THSD4: variants seen among roughly 807,000 people sequenced by gnomAD.
The protein encoded by THSD4 is thrombospondin type 1 domain containing 4.
A neutral mutation model predicts 119.0 loss-of-function variants in THSD4; 69 were observed. That is an observed-to-expected ratio of 0.58 (90% confidence interval 0.48 to 0.71). THSD4 has a LOEUF of 0.71. THSD4 is among the 30% of genes least tolerant of loss of function. The pLI, the probability that THSD4 is intolerant of heterozygous loss-of-function variation, is 0.00. For synonymous variants in THSD4, 524 were observed against 540.4 expected (o/e 0.97, Z 0.42); for missense variants, 1,393 against 1,391.1 (o/e 1.00, Z -0.02).
chr15:71,376,807 C>T (rs544310267), intron 6 of THSD4, among the ~76,000 whole-genome samples: 5 of 152,098 alleles, frequency 3.3e-5, no homozygotes, highest in Admixed American at 1.3e-4. Flanking sequence ...GAACTCATGC[C>T]GAGACATATT....
chr15:71,679,456 T>C (rs2051726188), intron 8 of THSD4, among the ~76,000 whole-genome samples: 3 of 152,198 alleles, frequency 2.0e-5, no homozygotes, highest in Admixed American at 1.3e-4. Context: ...AAATACGATA[T>C]ACCAAAAAAG....
chr15:71,516,854 T>C (rs754575478), intron 7 of THSD4, among the ~76,000 whole-genome samples: 1 of 152,242 alleles, frequency 6.6e-6, no homozygotes, highest in Non-Finnish European at 1.5e-5. Context: ...CCCTTTGATA[T>C]ACACACTATA....
At chr15:71,762,339 A>G (rs1274521516) in intron 15 of THSD4, among the ~76,000 whole-genome samples, 2 of 152,190 alleles carry the variant, frequency 1.3e-5, no homozygotes, top group African/African-American at 2.4e-5. Context: ...GAAGATAACT[A>G]CAAGTTTTGA....
chr15:71,433,239 A>G (rs1212862614), intron 7 of THSD4, among the ~76,000 whole-genome samples: 1 of 150,972 alleles, frequency 6.6e-6, no homozygotes, highest in Non-Finnish European at 1.5e-5. Context: ...TAGTATTTTA[A>G]TTTATTTAGA....
At chr15:71,524,587 C>CTTT (rs71438517) in intron 7 of THSD4, among the ~76,000 whole-genome samples, 602 of 59,518 alleles carry the variant, frequency 0.01, 86 homozygotes, top group Middle Eastern at 0.036. Flanking sequence ...GTTTATGCCT[C>CTTT]TTTTTTTTTT....
intron 7 of THSD4, among the ~76,000 whole-genome samples, chr15:71,554,234 T>G (rs905166015): frequency 6.6e-6 from 1 of 150,630 alleles, no homozygotes; most frequent in Non-Finnish European, 1.5e-5. Flanking sequence ...GGACTACAGG[T>G]GCCCACCGCC....
rs1478707163 is a variant in THSD4 at position 71,420,736 on chromosome 15, A to T, written c.1152+8913A>T. Among the ~76,000 whole-genome samples, 4 of 108,400 alleles carry T rather than the reference A, an allele frequency of 3.7e-5. 2 individuals carry two copies. The highest frequency in any genetic ancestry group is 8.1e-5 in the Non-Finnish European group (4 of 49,452). 71.1% of individuals were successfully genotyped at this position (108,400 alleles called of 152,430 possible). A position where few individuals can be genotyped will look rare whatever the true frequency, so the allele number is the denominator to read the frequency against. ...ACATTTATTGCAATTAACAAACAAA[A>T]TAACAAGCAAAGAGAAACCAATAAA... On this transcript the variant is annotated intron_variant, in intron 7 of 17. Transcript: ENST00000261862.
At chr15:71,160,541 T>C (rs554179103) in intron 3 of THSD4, among the ~76,000 whole-genome samples, 53 of 152,222 alleles carry the variant, frequency 3.5e-4, no homozygotes, top group African/African-American at 1.2e-3. Flanking sequence ...TAATTTAATC[T>C]TGGTAGGTTG....
chr15:71,166,883 G>A (rs2141396639), intron 3 of THSD4: 1 of 152,288 alleles, frequency 6.6e-6, no homozygotes, highest in Middle Eastern at 3.4e-3. Flanking sequence ...CCTTGTCAAA[G>A]CATTATTAAG....
At chr15:71,332,370 A>G (rs2045432191) in intron 6 of THSD4, among the ~76,000 whole-genome samples, 1 of 152,222 alleles carries the variant, frequency 6.6e-6, no homozygotes, top group Admixed American at 6.5e-5. Flanking sequence ...AGATGAATGT[A>G]TGGTAAGTCT....
intron 6 of THSD4, among the ~76,000 whole-genome samples, chr15:71,309,381 G>A (rs1365123863): frequency 3.3e-5 from 5 of 152,122 alleles, no homozygotes; most frequent in East Asian, 3.8e-4. Context: ...AAGTGTAAGC[G>A]TTCTTTATAT....
chr15:71,544,207 T>C (rs552862946), intron 7 of THSD4, among the ~76,000 whole-genome samples: 2 of 152,232 alleles, frequency 1.3e-5, no homozygotes, highest in African/African-American at 4.8e-5. Context: ...GTGCTGTCAT[T>C]AAGAGTCAGG....
chr15:71,703,406 G>A (rs1486728952), intron 8 of THSD4, among the ~76,000 whole-genome samples: 2 of 152,194 alleles, frequency 1.3e-5, no homozygotes, highest in African/African-American at 2.4e-5. Flanking sequence ...TAGATTACAA[G>A]GGAGATTTAA....
intron 6 of THSD4, among the ~76,000 whole-genome samples, chr15:71,285,853 C>CAAAAA (rs11421766): frequency 6.1e-4 from 41 of 67,392 alleles, no homozygotes; most frequent in South Asian, 4.9e-3. Context: ...GACTCCGTCT[C>CAAAAA]AAAAAAAAAA....
At chr15:71,772,616 G>A (rs2140248333) in intron 17 of THSD4, among the ~76,000 whole-genome samples, 1 of 152,260 alleles carries the variant, frequency 6.6e-6, no homozygotes, top group South Asian at 2.1e-4. Context: ...AAACTATTAG[G>A]TTGGTGCAAA....
Position 71,731,162 on chromosome 15 carries a change from C to T in THSD4, c.1575C>T (p.Tyr525=), listed in dbSNP as rs757426255. The T allele has an allele frequency of 3.6e-5, 58 of 1,614,172 alleles. No homozygotes were observed. Among genetic ancestry groups the T allele is most frequent in the African/African-American group, 9.3e-5 (7 of 75,054 alleles). ...QQPNPGVHYE[Y]VIMGTNAISP... ...CAAACCCAGGCGTGCACTACGAGTA[C>T]GTGATCATGGGGACCAACGCCATCA... Residue 525 remains tyrosine (Y), a synonymous_variant, in exon 10 of 18, where the codon TAC becomes TAT. Coordinates refer to ENST00000261862, the MANE Select transcript of THSD4 (RefSeq NM_024817.3).
At chr15:71,681,865 G>A (rs1461394296) in intron 8 of THSD4, among the ~76,000 whole-genome samples, 1 of 152,024 alleles carries the variant, frequency 6.6e-6, no homozygotes, top group East Asian at 1.9e-4. Context: ...TTCAGACCTA[G>A]GCAAGTATGA....
At chr15:71,486,353 C>G (rs111388057) in intron 7 of THSD4, among the ~76,000 whole-genome samples, 1 of 152,098 alleles carries the variant, frequency 6.6e-6, no homozygotes, top group Non-Finnish European at 1.5e-5. Flanking sequence ...TGAAATTTTC[C>G]GAGGCCCAGC....
At chr15:71,319,136 C>T (rs1254718124) in intron 6 of THSD4, among the ~76,000 whole-genome samples, 1 of 152,112 alleles carries the variant, frequency 6.6e-6, no homozygotes, top group Non-Finnish European at 1.5e-5. Flanking sequence ...TTGTTTCAGG[C>T]CTGTTTCAAG....
Sources: gnomAD v4.1 joint callset for allele counts (sites outside exome capture counted in the v4.1 genomes callset) on GRCh38, gnomAD v4.1.1 for gene constraint, MANE v1.5 for transcripts, NCBI Gene and HGNC (gene_info 2026-07-23, HGNC 2026-07-21) for gene names.